Variants in ILRUN observed in about 807,000 individuals in gnomAD.
ILRUN encodes the protein protein ILRUN.
Under a neutral mutation model 33.8 loss-of-function variants are expected in ILRUN, and 3 were observed. The ratio of observed to expected loss-of-function variants is 0.09; its 90% CI spans 0.04 to 0.23. The LOEUF (loss-of-function observed/expected upper bound fraction) is 0.23. Ranked by LOEUF, ILRUN falls within the 10% of genes least tolerant of loss-of-function variation. The pLI is 1.00. For synonymous variants in ILRUN, 124 were observed against 138.9 expected, an observed-to-expected ratio of 0.89 and a Z score of 0.75; for missense variants, 210 against 375.1, an observed-to-expected ratio of 0.56 and a Z score of 3.64.
intron 4 of ILRUN, among the ~76,000 whole-genome samples, chr6:34,600,230 G>A (rs537422108): frequency 1.3e-5 from 2 of 152,062 alleles, no homozygotes; most frequent in African/African-American, 2.4e-5. Context: ...CCCGCAAAAC[G>A]CTCCACAATC....
At chr6:34,682,090 G>A (rs997050360) in intron 1 of ILRUN, among the ~76,000 whole-genome samples, 17 of 145,040 alleles carry the variant, frequency 1.2e-4, no homozygotes, top group Admixed American at 4.9e-4. Flanking sequence ...GGCCAGGCTG[G>A]TCTCGAACTC....
In ILRUN at chr6:34,654,771, T is replaced by G; in HGVS notation, c.167A>C (p.Gln56Pro). The change falls in exon 2 of 5, where the codon CAA becomes CCA. Residue 56 changes from glutamine (Q) to proline (P), a missense_variant. Transcript: ENST00000374023. Reference protein sequence around the residue: ...FFLDMTNWNLQAAIGAYYDFE... With the variant: ...FFLDMTNWNLPAAIGAYYDFE... ...GTCATAATAGGCGCCAATTGCTGCT[T>G]GTAGGTTCCTATAGAAAAAGAGAAA... 1.2e-6 allele frequency: 2 copies of G among 1,611,762 alleles called. No homozygotes were observed. The highest frequency in any genetic ancestry group is 1.7e-6 in the Non-Finnish European group (2 of 1,178,958).
chr6:34,616,148 ATCTT>A (rs888643341), intron 3 of ILRUN, among the ~76,000 whole-genome samples: 1 of 152,118 alleles, frequency 6.6e-6, no homozygotes, highest in Non-Finnish European at 1.5e-5. Context: ...GATGCTTCTG[ATCTT>A]TAGAGCAACC....
At chr6:34,622,541 A>T (rs751684543) in intron 3 of ILRUN, among the ~76,000 whole-genome samples, 1 of 151,996 alleles carries the variant, frequency 6.6e-6, no homozygotes, top group Non-Finnish European at 1.5e-5. Flanking sequence ...CTACTACTAA[A>T]AAAAAAAAAA....
At chr6:34,643,708 C>CT (rs1762516475) in intron 3 of ILRUN, among the ~76,000 whole-genome samples, 1 of 152,166 alleles carries the variant, frequency 6.6e-6, no homozygotes, top group African/African-American at 2.4e-5. Context: ...TTATTTTTAT[C>CT]TTTTTTTGTT....
intron 3 of ILRUN, among the ~76,000 whole-genome samples, chr6:34,613,238 A>G (rs975088416): frequency 2.0e-5 from 3 of 152,114 alleles, no homozygotes; most frequent in Non-Finnish European, 4.4e-5. Flanking sequence ...CAACAACAAC[A>G]ACAACAACAA....
chr6:34,675,523 T>C (rs1186912072), intron 1 of ILRUN, among the ~76,000 whole-genome samples: 1 of 152,128 alleles, frequency 6.6e-6, no homozygotes, highest in Non-Finnish European at 1.5e-5. Context: ...AAGTGAATTT[T>C]ATATAACAGG....
At chr6:34,591,744 T>C (rs1761298323) in intron 4 of ILRUN, among the ~76,000 whole-genome samples, 3 of 152,072 alleles carry the variant, frequency 2.0e-5, no homozygotes, top group African/African-American at 7.2e-5. Context: ...CTGTCTCGGC[T>C]TCCCAAAGTG....
chr6:34,692,181 C>T (rs944737594), intron 1 of ILRUN, among the ~76,000 whole-genome samples: 2 of 152,124 alleles, frequency 1.3e-5, no homozygotes, highest in African/African-American at 4.8e-5. Context: ...CTATGCTGGT[C>T]TCAAACTCCT....
chr6:34,655,178 T>C (rs949607993), intron 1 of ILRUN, among the ~76,000 whole-genome samples: 2 of 152,170 alleles, frequency 1.3e-5, no homozygotes, highest in Non-Finnish European at 2.9e-5. Flanking sequence ...GAGACAGCCA[T>C]GTTGCCCAGG....
intron 1 of ILRUN, among the ~76,000 whole-genome samples, chr6:34,678,013 T>C (rs942368210): frequency 3.3e-5 from 5 of 151,248 alleles, no homozygotes; most frequent in East Asian, 1.9e-4. Context: ...GGCCTGAGAA[T>C]TGACATATTT....
chr6:34,616,662 AG>A, intron 3 of ILRUN: 1 of 1,183,224 alleles, frequency 8.5e-7, no homozygotes, highest in Non-Finnish European at 1.2e-6. Flanking sequence ...GTGCTTTGAA[AG>A]GCAAGGAGGA....
chr6:34,595,730 C>T, intron 4 of ILRUN: 1 of 983,426 alleles, frequency 1.0e-6, no homozygotes, highest in Non-Finnish European at 1.2e-6. Context: ...CTTTATTTTG[C>T]TTTTATTTGT....
intron 3 of ILRUN, among the ~76,000 whole-genome samples, chr6:34,639,818 C>T (rs1762433851): frequency 6.6e-6 from 1 of 152,142 alleles, no homozygotes; most frequent in Non-Finnish European, 1.5e-5. Context: ...TAATTCGTAA[C>T]TAATTTACAA....
chr6:34,632,916 T>C (rs1021219730), intron 3 of ILRUN, among the ~76,000 whole-genome samples: 1 of 152,180 alleles, frequency 6.6e-6, no homozygotes, highest in Non-Finnish European at 1.5e-5. Flanking sequence ...GAACAAAACA[T>C]ATAATAAAGT....
intron 1 of ILRUN, among the ~76,000 whole-genome samples, chr6:34,673,177 T>C (rs533081293): frequency 1.2e-4 from 18 of 152,146 alleles, no homozygotes; most frequent in Non-Finnish European, 2.1e-4. Context: ...AAGTTTCAAA[T>C]TTTATCTCTC....
chr6:34,624,597 G>A (rs1173429455), intron 3 of ILRUN, among the ~76,000 whole-genome samples: 1 of 151,988 alleles, frequency 6.6e-6, no homozygotes, highest in Admixed American at 6.6e-5. Flanking sequence ...GCCTCCCAAA[G>A]TGCTGGGATT....
intron 3 of ILRUN, among the ~76,000 whole-genome samples, chr6:34,627,069 C>T (rs1213962075): frequency 1.3e-5 from 2 of 151,744 alleles, no homozygotes; most frequent in South Asian, 4.1e-4. Context: ...GCCTATTCAT[C>T]TCTCCCTGCC....
At position 34,638,934 on chromosome 6, in the gene ILRUN, G is replaced by A. The variant is rs1192117354; in HGVS notation, c.511+7667C>T. On this transcript the variant is annotated intron_variant, in intron 3 of 4. Transcript: ENST00000374023. ...AGAAATGTCGGGCAGAATAGCATGT[G>A]AGTAGAAGACATCATGGATTCTAGT... is the stretch of plus-strand genomic sequence containing the variant. 3.9e-5 allele frequency among the ~76,000 whole-genome samples: 6 copies of A among 152,182 alleles called. No homozygotes were observed. The South Asian group carries it at 1.0e-3, about 26-fold the overall frequency.
Sources: allele counts gnomAD v4.1 joint callset (sites outside exome capture counted in the v4.1 genomes callset), GRCh38; gene constraint gnomAD v4.1.1; transcripts MANE v1.5; gene names NCBI Gene and HGNC (gene_info 2026-07-23, HGNC 2026-07-21).